PTPN3: variants seen among roughly 807,000 people sequenced by gnomAD.
PTPN3 encodes the protein protein tyrosine phosphatase non-receptor type 3.
A neutral mutation model predicts 132.7 loss-of-function variants in PTPN3; 96 were observed. That is an observed-to-expected ratio of 0.72 (90% CI 0.61 to 0.86). The LOEUF (loss-of-function observed/expected upper bound fraction) is 0.86, where lower values mean the gene tolerates loss of function less well. Among genes scored for constraint, PTPN3 ranks in the 40% least tolerant of loss-of-function variants. The probability of loss-of-function intolerance (pLI) is 0.00; values close to 1 mark genes in which losing one functional copy is unlikely to be tolerated. For synonymous variants in PTPN3, 398 were observed against 429.0 expected, an observed-to-expected ratio of 0.93 and a Z score of 0.89; for missense variants, 1,125 against 1,159.6, an observed-to-expected ratio of 0.97 and a Z score of 0.43.
At chr9:109,498,563 C>T (rs1466934079), upstream of PTPN3, among the ~76,000 whole-genome samples, 2 of 152,158 alleles carry the variant, frequency 1.3e-5, no homozygotes, top group African/African-American at 4.8e-5. This position sits in a 1 kb window ranked among gnomAD's most constrained non-coding sequence, Gnocchi z 4.2. Flanking sequence ...GTGTGCCAGG[C>T]CCTCAGTGAT....
chr9:109,531,112 C>T, the PTPN3 span, among the ~76,000 whole-genome samples: 1 of 152,130 alleles, frequency 6.6e-6, no homozygotes, highest in Non-Finnish European at 1.5e-5. Context: ...TTGCCTGTGC[C>T]TTTTATGTCT....
intron 14 of PTPN3, chr9:109,417,473 T>C (rs2131820230): frequency 1.5e-6 from 1 of 657,994 alleles, no homozygotes; most frequent in Middle Eastern, 7.6e-4. Flanking sequence ...ATCTGCTGTA[T>C]AAAACATGTC....
the PTPN3 span, among the ~76,000 whole-genome samples, chr9:109,503,697 A>G: frequency 2.6e-5 from 4 of 151,026 alleles, no homozygotes; most frequent in Admixed American, 6.6e-5. Context: ...TGGGCAACAG[A>G]GTGAGACTCC....
the PTPN3 span, among the ~76,000 whole-genome samples, chr9:109,523,072 G>A: frequency 1.5e-3 from 222 of 150,516 alleles, 2 homozygotes; most frequent in Non-Finnish European, 1.4e-3. Flanking sequence ...ATTTAATTAC[G>A]TTCATTAAAG....
intron 10 of PTPN3, 35 bp from the exon 11 acceptor site, chr9:109,428,719 A>T: frequency 6.3e-7 from 1 of 1,598,144 alleles, no homozygotes; most frequent in African/African-American, 1.3e-5. Context: ...AACAAAGCAC[A>T]TCAGGGATCG....
chr9:109,444,007 T>C (rs1296406095), intron 7 of PTPN3, among the ~76,000 whole-genome samples: 1 of 152,166 alleles, frequency 6.6e-6, no homozygotes, highest in Non-Finnish European at 1.5e-5. Flanking sequence ...TAGGCAGACC[T>C]AGGGCCACCT....
At chr9:109,437,981 G>A (rs959980276) in intron 8 of PTPN3, 133 bp downstream of exon 8, 28 of 1,145,228 alleles carry the variant, frequency 2.4e-5, no homozygotes, top group African/African-American at 4.7e-5. Flanking sequence ...CCAGCTCAAA[G>A]GTTCAAAAAC....
chr9:109,493,672 C>G (rs934450214), intron 1 of PTPN3, among the ~76,000 whole-genome samples: 2 of 152,232 alleles, frequency 1.3e-5, no homozygotes, highest in Non-Finnish European at 2.9e-5. Context: ...CACTACAGAT[C>G]CCGTTCTTTG....
the PTPN3 span, among the ~76,000 whole-genome samples, chr9:109,510,576 A>AAAAAAAAATATATATAT: frequency 4.2e-5 from 2 of 47,330 alleles, no homozygotes; most frequent in African/African-American, 1.5e-4. Context: ...AAAAAAAAAA[A>AAAAAAAAATATATATAT]ATATATATAT....
At chr9:109,441,667 C>A (rs1454493190) in intron 7 of PTPN3, among the ~76,000 whole-genome samples, 1 of 152,138 alleles carries the variant, frequency 6.6e-6, no homozygotes, top group African/African-American at 2.4e-5. Flanking sequence ...ATACTTTATT[C>A]TTTGAGCCTC....
chr9:109,531,517 G>C, the PTPN3 span, among the ~76,000 whole-genome samples: 2 of 152,204 alleles, frequency 1.3e-5, no homozygotes, highest in African/African-American at 4.8e-5. Context: ...GCCACTATTA[G>C]CTGGGGGGTC....
chr9:109,493,693 C>T (rs1352431410), intron 1 of PTPN3, among the ~76,000 whole-genome samples: 1 of 152,190 alleles, frequency 6.6e-6, no homozygotes, highest in Admixed American at 6.5e-5. Context: ...GTTCAGAAAA[C>T]GCAGTCAGCA....
intron 7 of PTPN3, among the ~76,000 whole-genome samples, chr9:109,443,920 C>A (rs1416768757): frequency 6.6e-6 from 1 of 152,178 alleles, no homozygotes; most frequent in Non-Finnish European, 1.5e-5. Context: ...TGGTTCCATG[C>A]AGGTGGGTGG....
chr9:109,521,713 C>G, the PTPN3 span, among the ~76,000 whole-genome samples: 2 of 152,214 alleles, frequency 1.3e-5, no homozygotes, highest in Non-Finnish European at 2.9e-5. Flanking sequence ...ATTTAGTTGT[C>G]TTTCCCACTA....
chr9:109,400,717 C>A (rs1478983523), intron 19 of PTPN3, among the ~76,000 whole-genome samples: 1 of 152,202 alleles, frequency 6.6e-6, no homozygotes, highest in Non-Finnish European at 1.5e-5. Context: ...TTCCCTCATG[C>A]CTACAACTGG....
rs1001421869 is a variant in PTPN3 at position 109,422,734 on chromosome 9, G to C, written c.1120C>G (p.Pro374Ala). 4 of 1,611,482 alleles carry C rather than the reference G, an allele frequency of 2.5e-6. No individual in the cohort carries two copies. Among genetic ancestry groups the C allele is most frequent in the Non-Finnish European group, 3.4e-6 (4 of 1,177,996 alleles). ...AGGACATACCAGTTGGGAGTAATGG[G>C]AGGGGAACGAGAAGGCAGACTCTTG... The part of the protein sequence containing the change: ...ETKSLPSRSP[P>A]ITPNWRSPRL... Residue 374 changes from proline (P) to alanine (A), a missense_variant, in exon 13 of 26, where the codon CCC becomes GCC. Transcript: ENST00000374541.
chr9:109,527,004 G>A, the PTPN3 span, among the ~76,000 whole-genome samples: 1 of 152,042 alleles, frequency 6.6e-6, no homozygotes, highest in Non-Finnish European at 1.5e-5. Flanking sequence ...TACACAAAAA[G>A]TCATAATGAA....
In PTPN3 at chr9:109,409,719, G is replaced by A. The variant is rs143797557; in HGVS notation, c.1578+280C>T. Among the ~76,000 whole-genome samples the A allele has an allele frequency of 7.3e-3, 1,105 of 152,214 alleles. 10 individuals carry two copies. The highest frequency in any genetic ancestry group is 0.01 in the Middle Eastern group (3 of 294). On this transcript the variant is annotated intron_variant, in intron 16 of 25. Coordinates refer to ENST00000374541, the MANE Select transcript of PTPN3 (RefSeq NM_002829.4). The stretch of plus-strand genomic sequence containing the variant: ...ATCCCTATAGTCCCAGCTGAGGTGG[G>A]AGGATCACCTGAGCCTGGGGAGGTC...
At chr9:109,522,612 G>A in the PTPN3 span, among the ~76,000 whole-genome samples, 2 of 152,254 alleles carry the variant, frequency 1.3e-5, no homozygotes, top group South Asian at 2.1e-4. Flanking sequence ...CCTGCTAGTG[G>A]CATTGTAAAC....
Sources: allele counts gnomAD v4.1 joint callset (sites outside exome capture counted in the v4.1 genomes callset), GRCh38; gene constraint gnomAD v4.1.1; non-coding constraint Gnocchi (gnomAD v3.1); transcripts MANE v1.5; gene names NCBI Gene and HGNC (gene_info 2026-07-23, HGNC 2026-07-21).